PARD3: variants seen among roughly 807,000 people sequenced by gnomAD.
PARD3 encodes partitioning defective 3 homolog.
In PARD3, 75 loss-of-function variants were observed where a neutral mutation model predicts 155.4. The ratio of observed to expected loss-of-function variants is 0.48; its 90% CI spans 0.40 to 0.58. The LOEUF (loss-of-function observed/expected upper bound fraction) is 0.58, where lower values mean the gene tolerates loss of function less well. Ranked by LOEUF, PARD3 falls within the 20% of genes least tolerant of loss-of-function variation. The pLI is 0.00. For synonymous variants in PARD3, 576 were observed against 610.5 expected, an observed-to-expected ratio of 0.94 and a Z score of 0.83; for missense variants, 1,642 against 1,721.7, an observed-to-expected ratio of 0.95 and a Z score of 0.82.
chr10:34,117,732 C>A (rs1032869987), intron 24 of PARD3, among the ~76,000 whole-genome samples: 34 of 152,092 alleles, frequency 2.2e-4, no homozygotes, highest in African/African-American at 8.2e-4. Context: ...GACAACATGG[C>A]AAACCCCTTC....
At chr10:34,779,232 G>A (rs1839955206) in intron 1 of PARD3, among the ~76,000 whole-genome samples, 1 of 152,080 alleles carries the variant, frequency 6.6e-6, no homozygotes, top group Non-Finnish European at 1.5e-5. Flanking sequence ...CTTGAACCTG[G>A]GAGGTGAAGG....
Position 34,815,205 on chromosome 10 carries a change from C to A in PARD3, c.-210G>T. The A allele has an allele frequency of 6.3e-6, 1 of 159,852 alleles. No homozygotes were observed. Among genetic ancestry groups the A allele is most frequent in the Non-Finnish European group, 1.3e-5 (1 of 74,948 alleles). The allele number at this position is 159,852 out of a possible 1,614,324, so 9.9% of individuals were successfully genotyped here. On this transcript the variant is annotated 5_prime_UTR_variant, in exon 1 of 25. Transcript: ENST00000374788. ...TCGCCTCGCCTCGCTTCGCCCGGGGCTTGCCTCGCCTCTCCCCGCCGCGGC... is the reference window on the plus strand; with the variant it reads ...TCGCCTCGCCTCGCTTCGCCCGGGGATTGCCTCGCCTCTCCCCGCCGCGGC...
At chr10:34,308,985 G>A (rs1162874966) in intron 20 of PARD3, among the ~76,000 whole-genome samples, 1 of 152,136 alleles carries the variant, frequency 6.6e-6, no homozygotes, top group Non-Finnish European at 1.5e-5. Context: ...GGTACTGCCA[G>A]TGGACCACGA....
At chr10:34,479,667 AC>A (rs1158821255) in intron 3 of PARD3, among the ~76,000 whole-genome samples, 1 of 152,058 alleles carries the variant, frequency 6.6e-6, no homozygotes, top group Non-Finnish European at 1.5e-5. Context: ...CTGAACATGC[AC>A]CACAGTAGAC....
At chr10:34,630,802 G>GATTT (rs111251881) in intron 2 of PARD3, among the ~76,000 whole-genome samples, 10,903 of 146,206 alleles carry the variant, frequency 0.075, 476 homozygotes, top group East Asian at 0.14. Flanking sequence ...TCTGTAAACA[G>GATTT]ATTTATTTAT....
chr10:34,168,499 T>C (rs1340135776), intron 22 of PARD3, among the ~76,000 whole-genome samples: 2 of 152,182 alleles, frequency 1.3e-5, no homozygotes, highest in African/African-American at 2.4e-5. Context: ...AGGCCACACA[T>C]TGCTATGTGG....
At chr10:34,696,555 A>C (rs2094176530) in intron 1 of PARD3, 136 bp from the exon 2 acceptor site, 2 of 644,862 alleles carry the variant, frequency 3.1e-6, no homozygotes. Context: ...CTGATTAAAA[A>C]TTCAGACAGC....
intron 22 of PARD3, among the ~76,000 whole-genome samples, chr10:34,177,390 C>A (rs1311373691): frequency 6.6e-6 from 1 of 152,076 alleles, no homozygotes; most frequent in Admixed American, 6.6e-5. Context: ...CTTTCATTTT[C>A]ATTCATGATC....
At chr10:34,479,541 A>G (rs1428675707) in intron 3 of PARD3, among the ~76,000 whole-genome samples, 1 of 152,100 alleles carries the variant, frequency 6.6e-6, no homozygotes, top group African/African-American at 2.4e-5. Context: ...GCCTGCCGCA[A>G]TCGAGACTTA....
intron 4 of PARD3, among the ~76,000 whole-genome samples, chr10:34,467,427 A>C (rs2133042967): frequency 6.6e-6 from 1 of 151,606 alleles, no homozygotes; most frequent in South Asian, 2.1e-4. Context: ...AAGTTCGCCA[A>C]ATTTTCTACA....
chr10:34,258,769 T>C (rs1021529508), intron 22 of PARD3, among the ~76,000 whole-genome samples: 5 of 152,052 alleles, frequency 3.3e-5, no homozygotes, highest in African/African-American at 1.2e-4. Context: ...ATCTAAAGAA[T>C]AGTTCAAAAG....
At chr10:34,166,194 G>C (rs1015022414) in intron 22 of PARD3, among the ~76,000 whole-genome samples, 8 of 152,158 alleles carry the variant, frequency 5.3e-5, no homozygotes, top group Middle Eastern at 3.2e-3. Flanking sequence ...ATAGAGCTTG[G>C]TGTGTTCCAA....
intron 1 of PARD3, among the ~76,000 whole-genome samples, chr10:34,802,080 A>G (rs1414044367): frequency 6.6e-6 from 1 of 152,216 alleles, no homozygotes; most frequent in Non-Finnish European, 1.5e-5. Flanking sequence ...AAATTTATGT[A>G]ATTTCCTTTG....
intron 2 of PARD3, among the ~76,000 whole-genome samples, chr10:34,574,170 T>C (rs990528787): frequency 3.3e-5 from 5 of 152,170 alleles, no homozygotes; most frequent in African/African-American, 1.2e-4. Context: ...AATTTTATTG[T>C]AGGATACCAA....
intron 1 of PARD3, among the ~76,000 whole-genome samples, chr10:34,762,653 C>T (rs1468810661): frequency 1.3e-5 from 2 of 152,036 alleles, no homozygotes; most frequent in East Asian, 1.9e-4. Flanking sequence ...ATGTTAAATA[C>T]TTGACAAAAA....
At chr10:34,373,436 T>C (rs1033252683) in intron 11 of PARD3, among the ~76,000 whole-genome samples, 2 of 152,084 alleles carry the variant, frequency 1.3e-5, no homozygotes, top group African/African-American at 4.8e-5. Context: ...GAGCAGTGTC[T>C]AAGCTTTGGC....
chr10:34,546,420 G>A (rs1223148869), intron 2 of PARD3, among the ~76,000 whole-genome samples: 4 of 151,870 alleles, frequency 2.6e-5, no homozygotes, highest in African/African-American at 4.8e-5. Context: ...GGGAGGCTGA[G>A]GTAGGAGAAT....
chr10:34,281,962 G>A (rs1956178722), intron 21 of PARD3, among the ~76,000 whole-genome samples: 1 of 151,906 alleles, frequency 6.6e-6, no homozygotes. Flanking sequence ...TATAAGTAGT[G>A]GTTTATTTAT....
chr10:34,533,721 G>A (rs537685591), intron 2 of PARD3, among the ~76,000 whole-genome samples: 7 of 151,988 alleles, frequency 4.6e-5, no homozygotes, highest in Non-Finnish European at 5.9e-5. Context: ...GAGAAGAATC[G>A]CTTGAACCTG....
Sources: gnomAD v4.1 joint callset for allele counts (sites outside exome capture counted in the v4.1 genomes callset) on GRCh38, gnomAD v4.1.1 for gene constraint, MANE v1.5 for transcripts, NCBI Gene and HGNC (gene_info 2026-07-23, HGNC 2026-07-21) for gene names.